CCSER1: variants seen among roughly 807,000 people sequenced by gnomAD.
CCSER1 encodes serine-rich coiled-coil domain-containing protein 1.
A neutral mutation model predicts 82.0 loss-of-function variants in CCSER1; 41 were observed. The observed-to-expected ratio is 0.50, with a 90% CI of 0.39 to 0.65. CCSER1 has a LOEUF of 0.65. Among genes scored for constraint, CCSER1 ranks in the 30% least tolerant of loss-of-function variants. The pLI is 0.00. For missense variants in CCSER1, 1,119 were observed against 1,064.2 expected (o/e 1.05, Z -0.72); for synonymous variants, 414 against 383.9 (o/e 1.08, Z -0.92).
At chr4:90,174,616 C>G (rs776893806) in intron 1 of CCSER1, among the ~76,000 whole-genome samples, 3 of 151,908 alleles carry the variant, frequency 2.0e-5, no homozygotes, top group Non-Finnish European at 4.4e-5. Flanking sequence ...AATTGCAATA[C>G]AGAGTACCGA....
chr4:91,159,529 T>C (rs1329874629), intron 10 of CCSER1, among the ~76,000 whole-genome samples: 2 of 151,990 alleles, frequency 1.3e-5, no homozygotes, highest in Admixed American at 1.3e-4. Flanking sequence ...ATTATTAATA[T>C]ACATTAGGTA....
At chr4:90,241,777 G>T (rs1746891721) in intron 1 of CCSER1, among the ~76,000 whole-genome samples, 1 of 152,108 alleles carries the variant, frequency 6.6e-6, no homozygotes, top group African/African-American at 2.4e-5. Flanking sequence ...CATTAACATT[G>T]AGAAACTAAT....
At chr4:90,710,423 G>A (rs759922326) in intron 6 of CCSER1, among the ~76,000 whole-genome samples, 3 of 152,080 alleles carry the variant, frequency 2.0e-5, no homozygotes, top group Non-Finnish European at 2.9e-5. Flanking sequence ...GTCCTGAATG[G>A]TATTGACCAG....
intron 8 of CCSER1, chr4:90,918,365 T>A (rs1727832799): frequency 2.4e-6 from 1 of 419,390 alleles, no homozygotes; most frequent in South Asian, 1.7e-5. Flanking sequence ...TTGGACTGAT[T>A]TTTTGGGATT....
chr4:91,227,546 A>C (rs1015894330), intron 10 of CCSER1, among the ~76,000 whole-genome samples: 1 of 151,020 alleles, frequency 6.6e-6, no homozygotes, highest in Non-Finnish European at 1.5e-5. Flanking sequence ...CATGGGGTAC[A>C]TGTACTGGTT....
chr4:91,582,742 AATCT>A (rs921334933), intron 10 of CCSER1, among the ~76,000 whole-genome samples: 78 of 151,506 alleles, frequency 5.1e-4, no homozygotes, highest in African/African-American at 1.8e-3. Context: ...TCAATCAATC[AATCT>A]ATCATCTCTG....
At chr4:90,388,299 A>ATGTTTGTTTGTTTGTT (rs144840089) in intron 3 of CCSER1, among the ~76,000 whole-genome samples, 3 of 150,290 alleles carry the variant, frequency 2.0e-5, no homozygotes, top group Admixed American at 6.6e-5. Flanking sequence ...AGTACAAGTG[A>ATGTTTGTTTGTTTGTT]TGTTTGTTTG....
intron 3 of CCSER1, among the ~76,000 whole-genome samples, chr4:90,386,094 A>G (rs2153534872): frequency 6.6e-6 from 1 of 152,316 alleles, no homozygotes; most frequent in Non-Finnish European, 1.5e-5. Context: ...AAAGCAATCG[A>G]CAGATTAAAT....
chr4:91,195,926 G>C, intron 10 of CCSER1, among the ~76,000 whole-genome samples: 1 of 151,588 alleles, frequency 6.6e-6, no homozygotes, highest in Non-Finnish European at 1.5e-5. Context: ...CCCCGTGTTA[G>C]CCAGGATGGT....
intron 5 of CCSER1, among the ~76,000 whole-genome samples, chr4:90,607,995 A>G (rs565885604): frequency 5.9e-5 from 9 of 152,318 alleles, no homozygotes; most frequent in Non-Finnish European, 1.3e-4. Flanking sequence ...CTCCACAACT[A>G]TATTTAGTAA....
At chr4:90,281,891 T>C (rs1361773183) in intron 1 of CCSER1, among the ~76,000 whole-genome samples, 1 of 152,062 alleles carries the variant, frequency 6.6e-6, no homozygotes, top group Non-Finnish European at 1.5e-5. Flanking sequence ...AAAATCCAAC[T>C]TGAGTCACCA....
At chr4:91,418,017 A>T (rs1180342176) in intron 10 of CCSER1, among the ~76,000 whole-genome samples, 1 of 152,130 alleles carries the variant, frequency 6.6e-6, no homozygotes, top group East Asian at 1.9e-4. Flanking sequence ...AAATTGGTAA[A>T]CAGTGACTTG....
chr4:91,134,669 G>A (rs1030279322), intron 10 of CCSER1, among the ~76,000 whole-genome samples: 2 of 152,112 alleles, frequency 1.3e-5, no homozygotes, highest in African/African-American at 4.8e-5. Context: ...TCACCATTTA[G>A]CAGTCATCAC....
intron 10 of CCSER1, among the ~76,000 whole-genome samples, chr4:91,341,144 T>C (rs1389645254): frequency 1.3e-5 from 2 of 152,226 alleles, no homozygotes; most frequent in African/African-American, 4.8e-5. Flanking sequence ...TTAGAAACTT[T>C]ATTAAAATGA....
chr4:90,475,660 A>G (rs1295737154), intron 5 of CCSER1, among the ~76,000 whole-genome samples: 1 of 152,178 alleles, frequency 6.6e-6, no homozygotes, highest in Non-Finnish European at 1.5e-5. Context: ...AAGCAGCACC[A>G]TCTAGGACTC....
chr4:90,556,892 A>G (rs1290829866), intron 5 of CCSER1, among the ~76,000 whole-genome samples: 1 of 151,768 alleles, frequency 6.6e-6, no homozygotes, highest in Non-Finnish European at 1.5e-5. Context: ...ATGTATATAC[A>G]TTTAAGAATT....
intron 6 of CCSER1, among the ~76,000 whole-genome samples, chr4:90,721,868 ATTTG>A (rs1187352600): frequency 2.6e-5 from 4 of 151,228 alleles, no homozygotes; most frequent in African/African-American, 9.7e-5. Context: ...TACGAGATTG[ATTTG>A]TTTTTTTAAA....
At chr4:90,735,597 T>C (rs1745496087) in intron 7 of CCSER1, among the ~76,000 whole-genome samples, 2 of 152,240 alleles carry the variant, frequency 1.3e-5, no homozygotes, top group South Asian at 4.1e-4. Context: ...CATTTTCTAA[T>C]TTATTGGCAC....
At chr4:91,009,216 T>C (rs1291708781) in intron 9 of CCSER1, among the ~76,000 whole-genome samples, 1 of 152,068 alleles carries the variant, frequency 6.6e-6, no homozygotes, top group Admixed American at 6.6e-5. Flanking sequence ...ATTTGCAAGA[T>C]TTAATAGAGT....
Sources: allele counts gnomAD v4.1 joint callset (sites outside exome capture counted in the v4.1 genomes callset), GRCh38; gene constraint gnomAD v4.1.1; transcripts MANE v1.5; gene names NCBI Gene and HGNC (gene_info 2026-07-23, HGNC 2026-07-21).